Variants in CTNNA3 observed in about 807,000 individuals in gnomAD.
The protein encoded by CTNNA3 is catenin alpha 3.
Under a neutral mutation model 95.7 loss-of-function variants are expected in CTNNA3, and 76 were observed. The ratio of observed to expected loss-of-function variants is 0.79; its 90% CI spans 0.66 to 0.96. CTNNA3 has a LOEUF of 0.96. CTNNA3 is among the 40% of genes least tolerant of loss of function. The pLI is 0.00. For missense variants in CTNNA3, 1,191 were observed against 1,089.8 expected (o/e 1.09, Z -1.31); for synonymous variants, 431 against 374.4 (o/e 1.15, Z -1.74).
At chr10:66,367,913 T>A (rs1260957335) in intron 12 of CTNNA3, among the ~76,000 whole-genome samples, 1 of 122,512 alleles carries the variant, frequency 8.2e-6, no homozygotes, top group East Asian at 3.0e-4. Flanking sequence ...TTATTATTAT[T>A]ATTATTATTA....
chr10:67,342,099 C>CTTTTT (rs764381058), intron 5 of CTNNA3, among the ~76,000 whole-genome samples: 1,151 of 83,560 alleles, frequency 0.014, 11 homozygotes, highest in Non-Finnish European at 0.019. Context: ...TATTTTTCTT[C>CTTTTT]TTTTTTTTTT....
intron 9 of CTNNA3, among the ~76,000 whole-genome samples, chr10:66,636,699 T>C (rs1017328761): frequency 1.3e-5 from 2 of 152,154 alleles, no homozygotes; most frequent in Non-Finnish European, 2.9e-5. Context: ...TACTTATTTA[T>C]GATTGATCTC....
chr10:66,266,135 G>A (rs1323050760), intron 13 of CTNNA3, among the ~76,000 whole-genome samples: 1 of 150,708 alleles, frequency 6.6e-6, no homozygotes, highest in East Asian at 2.0e-4. Context: ...AAAGAAGGAA[G>A]GAAGGAAAGA....
chr10:67,460,332 A>G (rs1032780188), intron 5 of CTNNA3, among the ~76,000 whole-genome samples: 3 of 152,178 alleles, frequency 2.0e-5, no homozygotes, highest in African/African-American at 7.2e-5. Flanking sequence ...TGTGTAACTG[A>G]CTAATACTGG....
intron 1 of CTNNA3, among the ~76,000 whole-genome samples, chr10:67,694,872 C>T (rs1231588429): frequency 6.6e-6 from 1 of 151,996 alleles, no homozygotes; most frequent in African/African-American, 2.4e-5. Flanking sequence ...AAAGTTTTAC[C>T]AATCTTTACT....
At chr10:66,448,813 A>G (rs966823883) in intron 11 of CTNNA3, among the ~76,000 whole-genome samples, 12 of 152,250 alleles carry the variant, frequency 7.9e-5, no homozygotes, top group African/African-American at 2.9e-4. Flanking sequence ...TGTACCCTAA[A>G]ACTTAAAGTG....
chr10:66,018,187 T>TACACACACACACACAC (rs59373779), intron 15 of CTNNA3, among the ~76,000 whole-genome samples: 8,906 of 141,992 alleles, frequency 0.063, 358 homozygotes, highest in East Asian at 0.14. Flanking sequence ...ACAGCTCAAA[T>TACACACACACACACAC]ACACACACAC....
At chr10:66,437,555 C>G (rs2093346728) in intron 11 of CTNNA3, among the ~76,000 whole-genome samples, 1 of 152,058 alleles carries the variant, frequency 6.6e-6, no homozygotes, top group African/African-American at 2.4e-5. Context: ...TTATGTTCTT[C>G]TCTAAACTGC....
intron 1 of CTNNA3, among the ~76,000 whole-genome samples, chr10:67,726,337 TATATA>T (rs1223020514): frequency 5.8e-5 from 5 of 86,180 alleles, no homozygotes; most frequent in South Asian, 7.5e-4. Flanking sequence ...TTACATATTA[TATATA>T]ATATATGATA....
At chr10:67,171,467 A>G (rs556299726) in intron 7 of CTNNA3, among the ~76,000 whole-genome samples, 1 of 152,042 alleles carries the variant, frequency 6.6e-6, no homozygotes, top group East Asian at 1.9e-4. Context: ...CCAGCTACTC[A>G]GGAGGCTGAG....
intron 12 of CTNNA3, among the ~76,000 whole-genome samples, chr10:66,364,523 T>C (rs2092698290): frequency 6.6e-6 from 1 of 152,150 alleles, no homozygotes; most frequent in Admixed American, 6.6e-5. Flanking sequence ...TCTTTGGTTA[T>C]TTTATATTTT....
chr10:67,598,389 G>A lies in CTNNA3; in HGVS notation c.292+8468C>T, dbSNP rs533409727. 1.2e-4 allele frequency among the ~76,000 whole-genome samples: 18 copies of A among 152,222 alleles called. No individual in the cohort carries two copies. In the South Asian group the frequency reaches 2.1e-3, roughly 18 times the overall value. The stretch of plus-strand genomic sequence containing the variant: ...CTTCCCTGGGAGCCTCTCAGGGCCA[G>A]GAATGAGTCCTGGTGCTTGGCAACC... On this transcript the variant is annotated intron_variant, in intron 3 of 17. Transcript: ENST00000433211.
intron 7 of CTNNA3, among the ~76,000 whole-genome samples, chr10:66,978,851 C>G (rs1264338233): frequency 6.6e-6 from 1 of 150,466 alleles, no homozygotes; most frequent in African/African-American, 2.4e-5. Flanking sequence ...TTATTATTAA[C>G]TGTATTTTAT....
At chr10:67,561,551 G>C (rs964554032) in intron 3 of CTNNA3, among the ~76,000 whole-genome samples, 1 of 137,774 alleles carries the variant, frequency 7.3e-6, no homozygotes, top group African/African-American at 2.8e-5. Flanking sequence ...ACCTAAAATT[G>C]ACACCCTAAC....
chr10:66,765,205 C>T (rs1839794417), intron 9 of CTNNA3, among the ~76,000 whole-genome samples: 1 of 152,138 alleles, frequency 6.6e-6, no homozygotes, highest in Admixed American at 6.6e-5. Context: ...GAAACCTCCT[C>T]CCCGTGGATC....
chr10:66,144,678 G>A (rs1392244921), intron 13 of CTNNA3, among the ~76,000 whole-genome samples: 2 of 152,032 alleles, frequency 1.3e-5, no homozygotes, highest in African/African-American at 4.8e-5. Context: ...AGTAGAGACG[G>A]GGTTTCTCCA....
chr10:66,473,793 G>A (rs919230001), intron 11 of CTNNA3, among the ~76,000 whole-genome samples: 3 of 152,088 alleles, frequency 2.0e-5, no homozygotes, highest in Admixed American at 1.3e-4. Context: ...GTGATAGTTT[G>A]CTGAGAATGA....
chr10:67,319,896 C>CAAAA (rs11418140), intron 5 of CTNNA3, among the ~76,000 whole-genome samples: 20 of 102,822 alleles, frequency 1.9e-4, no homozygotes, highest in African/African-American at 5.2e-4. Flanking sequence ...GACTCAGTCT[C>CAAAA]AAAAAAAAAA....
intron 4 of CTNNA3, among the ~76,000 whole-genome samples, chr10:67,528,129 T>C (rs1027911485): frequency 6.6e-6 from 1 of 152,206 alleles, no homozygotes; most frequent in Non-Finnish European, 1.5e-5. Context: ...GTTGATAATG[T>C]AAAAAAGACT....
Sources: allele counts gnomAD v4.1 joint callset (sites outside exome capture counted in the v4.1 genomes callset), GRCh38; gene constraint gnomAD v4.1.1; transcripts MANE v1.5; gene names NCBI Gene and HGNC (gene_info 2026-07-23, HGNC 2026-07-21).